The following ATXN7L3 variants were observed in gnomAD, a reference collection of about 807,000 sequenced individuals.
The protein encoded by ATXN7L3 is ataxin 7 like 3.
ATXN7L3 carries 6 observed loss-of-function variants against 50.0 expected under a neutral mutation model. The ratio of observed to expected loss-of-function variants is 0.12; its 90% CI spans 0.07 to 0.24. ATXN7L3 has a LOEUF of 0.24. ATXN7L3 is among the 10% of genes least tolerant of loss of function. The pLI is 1.00. For synonymous variants in ATXN7L3, 198 were observed against 165.8 expected, an observed-to-expected ratio of 1.19 and a Z score of -1.49; for missense variants, 322 against 451.3, an observed-to-expected ratio of 0.71 and a Z score of 2.60.
Position 44,194,909 on chromosome 17 carries a change from A to C in ATXN7L3, c.666-70T>G, listed in dbSNP as rs1286693714. On this transcript the variant is annotated intron_variant, in intron 10 of 12. Coordinates refer to ENST00000587097, the MANE Select transcript of ATXN7L3 (RefSeq NM_001382309.1). ...AAGCCCCTCCCCTCGGCAAGGCAGG[A>C]GCCACAGGCACAGACAGGGAAGGGG... is the stretch of plus-strand genomic sequence containing the variant. The C allele has an allele frequency of 1.9e-6, 3 of 1,563,732 alleles. No individual in the cohort carries two copies. In the African/African-American group the frequency reaches 4.1e-5, roughly 21 times the overall value.
In ATXN7L3 at chr17:44,197,034, G is replaced by A. The variant is rs1244841317; in HGVS notation, c.357-8C>T. The A allele has an allele frequency of 1.2e-6, 2 of 1,603,008 alleles. No homozygotes were observed. The highest frequency in any genetic ancestry group is 1.7e-6 in the Non-Finnish European group (2 of 1,170,356). On this transcript the variant is annotated splice_region_variant and splice_polypyrimidine_tract_variant and intron_variant, in intron 4 of 12. Transcript: ENST00000587097. The stretch of plus-strand genomic sequence containing the variant: ...TTGTTGCTATTGGCAATCCTGCCAA[G>A]GGGAGGGAAGAGAAAGGGGCCAAGG...
rs983472852 is a variant in ATXN7L3 at position 44,192,181 on chromosome 17, T to TAG, written c.*2080_*2081dup. Reference sequence around the variant, plus strand: ...TAGAGGGAGGGGAGTGGGGAGCTCCTAGCCCCTGTTCAACTACATGGTAGG... The same window carrying TAG: ...TAGAGGGAGGGGAGTGGGGAGCTCCTAGAGCCCCTGTTCAACTACATGGTAGG... On this transcript the variant is annotated 3_prime_UTR_variant, in exon 13 of 13. Coordinates refer to ENST00000587097, the MANE Select transcript of ATXN7L3 (RefSeq NM_001382309.1). The TAG allele has an allele frequency of 2.1e-5, 3 of 143,708 alleles. No individual in the cohort carries two copies. Among genetic ancestry groups the TAG allele is most frequent in the African/African-American group, 8.0e-5 (3 of 37,724 alleles). 8.9% of individuals were successfully genotyped at this position (143,708 alleles called of 1,614,324 possible). A position where few individuals can be genotyped will look rare whatever the true frequency, so the allele number is the denominator to read the frequency against.
At chr17:44,195,625 C>T (rs985480035) in intron 8 of ATXN7L3, 138 bp from the exon 9 acceptor site, 4 of 1,200,192 alleles carry the variant, frequency 3.3e-6, no homozygotes, top group Non-Finnish European at 3.6e-6. Context: ...AGTGATTTCT[C>T]TCATCCCATC....
At chr17:44,196,226 T>TGCCCCCCCCCCCCCAGGCCCCCCC in intron 6 of ATXN7L3, 147 bp from the exon 7 acceptor site, 1 of 737,700 alleles carries the variant, frequency 1.4e-6, no homozygotes, top group Non-Finnish European at 2.1e-6. Flanking sequence ...CCATGTGCCC[T>TGCCCCCCCCCCCCCAGGCCCCCCC]CCCCCACCCC....
chr17:44,196,206 G>A, intron 6 of ATXN7L3, 127 bp from the exon 7 acceptor site: 2 of 1,269,024 alleles, frequency 1.6e-6, no homozygotes, highest in Non-Finnish European at 2.2e-6. Flanking sequence ...CCAGTAGGAG[G>A]CCTGTCTACC....
intron 6 of ATXN7L3, 29 bp from the exon 7 acceptor site, chr17:44,196,108 G>C: frequency 6.2e-7 from 1 of 1,610,286 alleles, no homozygotes; most frequent in Non-Finnish European, 8.5e-7. Flanking sequence ...TAGCTTTGGG[G>C]AAAGGGTAAC....
rs2055789618 is a variant in ATXN7L3, at chr17:44,193,996, GAATA to G, written c.*263_*266del. 2 of 449,208 alleles carry G rather than the reference GAATA, an allele frequency of 4.5e-6. No homozygotes were observed. Among genetic ancestry groups the G allele is most frequent in the South Asian group, 2.7e-5 (1 of 36,446 alleles). The allele number at this position is 449,208 out of a possible 1,614,324, so 27.8% of individuals were successfully genotyped here. On this transcript the variant is annotated 3_prime_UTR_variant, in exon 13 of 13. Coordinates refer to ENST00000587097, the MANE Select transcript of ATXN7L3 (RefSeq NM_001382309.1). ...CTAGCTGGACATCCAGTAACTCACAGAATAAATAGGAAAACCGCCTCCCCACCAA... is the reference window on the plus strand; with the variant it reads ...CTAGCTGGACATCCAGTAACTCACAGAATAGGAAAACCGCCTCCCCACCAA...
Position 44,197,391 on chromosome 17 carries a change from C to A in ATXN7L3, c.193G>T (p.Asp65Tyr). The A allele has an allele frequency of 6.3e-7, 1 of 1,596,646 alleles. No homozygotes were observed. Among genetic ancestry groups the A allele is most frequent in the Non-Finnish European group, 8.6e-7 (1 of 1,168,308 alleles). Residue 65 changes from aspartate to tyrosine, a missense_variant, in exon 4 of 13, where the codon GAC (aspartate) becomes TAC (tyrosine). This residue lies in a region of ATXN7L3 where 48 missense variants were observed against 134.6 expected (regional missense o/e 0.36). Coordinates refer to ENST00000587097, the MANE Select transcript of ATXN7L3 (RefSeq NM_001382309.1). ...CCAAAGATGTCCAAGCCCGGCTGGT[C>A]CACGATCTCTGGGGACAGGAGAGGC... ...PDSMKDFEIV[D>Y]QPGLDIFGQV...
intron 6 of ATXN7L3, 152 bp from the exon 7 acceptor site, chr17:44,196,231 C>CCCCCCCCCAAA: frequency 1.3e-6 from 1 of 792,740 alleles, no homozygotes; most frequent in Non-Finnish European, 2.0e-6. Context: ...TGCCCTCCCC[C>CCCCCCCCCAAA]ACCCCCCTTC....
At chr17:44,195,877 C>T (rs776799666) in intron 7 of ATXN7L3, 49 bp from the exon 8 acceptor site, 4 of 1,590,760 alleles carry the variant, frequency 2.5e-6, no homozygotes, top group African/African-American at 2.7e-5. Flanking sequence ...GAGGTACAGA[C>T]AGAGAACCCT....
At chr17:44,197,964 A>G in intron 2 of ATXN7L3, 56 bp downstream of exon 2, 4 of 1,584,906 alleles carry the variant, frequency 2.5e-6, no homozygotes, top group Non-Finnish European at 3.5e-6. Flanking sequence ...TGCCAGATAC[A>G]GCGACGTAGA....
rs1308047845 is a variant in ATXN7L3 at position 44,194,049 on chromosome 17, T to G, written c.*214A>C. ...AAACTTATGTCCAAGGCATAATATGTCCAGGTCTGAGTCCTGCACGCCGAG... is the reference window on the plus strand; with the variant it reads ...AAACTTATGTCCAAGGCATAATATGGCCAGGTCTGAGTCCTGCACGCCGAG... On this transcript the variant is annotated 3_prime_UTR_variant, in exon 13 of 13. Coordinates refer to ENST00000587097, the MANE Select transcript of ATXN7L3 (RefSeq NM_001382309.1). 1 of 608,872 alleles carries G rather than the reference T, an allele frequency of 1.6e-6. No individual in the cohort carries two copies. The highest frequency in any genetic ancestry group is 2.8e-6 in the Non-Finnish European group (1 of 351,158). 37.7% of individuals were successfully genotyped at this position (608,872 alleles called of 1,614,324 possible).
intron 4 of ATXN7L3, 32 bp from the exon 5 acceptor site, chr17:44,197,058 G>C: frequency 6.3e-7 from 1 of 1,580,802 alleles, no homozygotes; most frequent in Non-Finnish European, 8.7e-7. Context: ...AAGGGGCCAA[G>C]GGGAAGGAAG....
Position 44,197,341 on chromosome 17 carries a change from G to C in ATXN7L3, c.243C>G (p.Ser81Arg). The C allele has an allele frequency of 6.2e-7, 1 of 1,613,110 alleles. No individual in the cohort carries two copies. The highest frequency in any genetic ancestry group is 8.5e-7 in the Non-Finnish European group (1 of 1,179,380). The part of the protein sequence containing the change: ...IFGQVFNQWK[S>R]KECVCPNCSR... ...TGCAATTGGGGCAAACACACTCCTTGCTCTTCCACTGGTTGAAAACCTGTC... is the reference window on the plus strand; with the variant it reads ...TGCAATTGGGGCAAACACACTCCTTCCTCTTCCACTGGTTGAAAACCTGTC... The change falls in exon 4 of 13, where the codon AGC becomes AGG. Residue 81 changes from serine to arginine, a missense_variant. Ser to Arg is a moderately radical substitution (Grantham distance 110, BLOSUM62 -1). This residue lies in a region of ATXN7L3 where 48 missense variants were observed against 134.6 expected (regional missense o/e 0.36). Coordinates refer to ENST00000587097, the MANE Select transcript of ATXN7L3 (RefSeq NM_001382309.1).
chr17:44,194,986 G>A (rs2055830988), intron 10 of ATXN7L3, 111 bp downstream of exon 10: 2 of 1,477,146 alleles, frequency 1.4e-6, no homozygotes, highest in South Asian at 2.3e-5. Flanking sequence ...CATTAGAGGA[G>A]GGAAGGGGAA....
In ATXN7L3 at chr17:44,194,111, C is replaced by T. The variant is rs567883421; in HGVS notation, c.*152G>A. ...CATTGCAGAGGACTTTGACACCCCC[C>T]AGGGGCGCATAATCGGATCCTCTGC... On this transcript the variant is annotated 3_prime_UTR_variant, in exon 13 of 13. Transcript: ENST00000587097. 7.9e-6 allele frequency: 8 copies of T among 1,017,190 alleles called. No homozygotes were observed. In the East Asian group the frequency reaches 1.9e-4, roughly 24 times the overall value. The allele number at this position is 1,017,190 out of a possible 1,614,324, so 63.0% of individuals were successfully genotyped here.
chr17:44,194,417 G>A lies in ATXN7L3; in HGVS notation c.896-6C>T. 1 of 1,614,032 alleles carries A rather than the reference G, an allele frequency of 6.2e-7. No individual in the cohort carries two copies. Among genetic ancestry groups the A allele is most frequent in the Non-Finnish European group, 8.5e-7 (1 of 1,179,998 alleles). On this transcript the variant is annotated splice_region_variant and splice_polypyrimidine_tract_variant and intron_variant, in intron 12 of 12. Transcript: ENST00000587097. ...TGACTCAGAGCTGTTGGTACCTGTA[G>A]AGAAAGAGACACAAGGGATGAGAGT... is the stretch of plus-strand genomic sequence containing the variant.
rs774948560 is a variant in ATXN7L3, at chr17:44,195,848, G to A, written c.524-20C>T. 5 of 1,608,830 alleles carry A rather than the reference G, an allele frequency of 3.1e-6. No individual in the cohort carries two copies. Among genetic ancestry groups the A allele is most frequent in the East Asian group, 2.2e-5 (1 of 44,850 alleles). On this transcript the variant is annotated intron_variant, in intron 7 of 12. Transcript: ENST00000587097. ...GTTCCCCTGAAGAAGAAAAAAGAAGGGGAAGGGTGTTTGATGCAGAGGTAC... is the reference window on the plus strand; with the variant it reads ...GTTCCCCTGAAGAAGAAAAAAGAAGAGGAAGGGTGTTTGATGCAGAGGTAC...
At chr17:44,197,862 T>C (rs1428979055) in intron 2 of ATXN7L3, 132 bp from the exon 3 acceptor site, 2 of 1,530,514 alleles carry the variant, frequency 1.3e-6, no homozygotes. Context: ...CTTGACTTCG[T>C]GTTCTTTCTT....
Sources: allele counts gnomAD v4.1 joint callset, GRCh38; gene constraint gnomAD v4.1.1; regional missense constraint gnomAD v4.1.1; transcripts MANE v1.5; gene names NCBI Gene and HGNC (gene_info 2026-07-23, HGNC 2026-07-21).